Variants in COBL observed in about 807,000 individuals in gnomAD.
The protein encoded by COBL is protein cordon-bleu.
COBL carries 51 observed loss-of-function variants against 98.8 expected under a neutral mutation model. The observed-to-expected ratio is 0.52, with a 90% CI of 0.41 to 0.65. The LOEUF (loss-of-function observed/expected upper bound fraction) is 0.65. Among genes scored for constraint, COBL ranks in the 30% least tolerant of loss-of-function variants. The pLI is 0.00. For synonymous variants in COBL, 634 were observed against 651.7 expected, an observed-to-expected ratio of 0.97 and a Z score of 0.41; for missense variants, 1,617 against 1,617.5, an observed-to-expected ratio of 1.00 and a Z score of 0.01.
chr7:51,075,302 C>T (rs1301526180), intron 7 of COBL, among the ~76,000 whole-genome samples: 2 of 152,154 alleles, frequency 1.3e-5, no homozygotes, highest in Non-Finnish European at 2.9e-5. Context: ...TTTGCTAATT[C>T]CTATGCTATA....
intron 5 of COBL, among the ~76,000 whole-genome samples, chr7:51,140,868 G>T (rs1799675733): frequency 6.6e-6 from 1 of 152,184 alleles, no homozygotes; most frequent in Non-Finnish European, 1.5e-5. Flanking sequence ...CAGACAAGAA[G>T]CTGAGCATGT....
chr7:51,211,986 A>T (rs1454857887), intron 2 of COBL, among the ~76,000 whole-genome samples: 2 of 152,176 alleles, frequency 1.3e-5, no homozygotes, highest in African/African-American at 4.8e-5. Context: ...CCTTAAAATC[A>T]AGAGAGCAGG....
At chr7:51,044,842 G>A (rs778949284) in intron 7 of COBL, among the ~76,000 whole-genome samples, 3 of 152,052 alleles carry the variant, frequency 2.0e-5, no homozygotes, top group Admixed American at 6.6e-5. Flanking sequence ...TTATCACCAC[G>A]AAACCAAAAG....
chr7:51,264,519 A>T (rs910190282), intron 1 of COBL, among the ~76,000 whole-genome samples: 3 of 151,838 alleles, frequency 2.0e-5, no homozygotes, highest in African/African-American at 7.3e-5. Context: ...AAAAATACAA[A>T]AATTAGCCGG....
intron 1 of COBL, among the ~76,000 whole-genome samples, chr7:51,297,641 C>T (rs1386741948): frequency 2.0e-5 from 3 of 152,116 alleles, no homozygotes; most frequent in Admixed American, 1.3e-4. Context: ...GATCTGCCCG[C>T]CTCAGCCTCC....
At chr7:51,090,925 A>G (rs571322138) in intron 6 of COBL, among the ~76,000 whole-genome samples, 113 of 152,370 alleles carry the variant, frequency 7.4e-4, no homozygotes, top group Middle Eastern at 3.4e-3. Flanking sequence ...CGAGATTACA[A>G]GCTCATAAAG....
intron 6 of COBL, among the ~76,000 whole-genome samples, chr7:51,128,730 C>T (rs1798459226): frequency 2.7e-5 from 4 of 150,510 alleles, no homozygotes; most frequent in Admixed American, 1.3e-4. Flanking sequence ...CTCAAGGAGG[C>T]TCCATAAGAC....
chr7:51,229,183 G>C (rs1477807579), intron 1 of COBL, among the ~76,000 whole-genome samples: 1 of 152,220 alleles, frequency 6.6e-6, no homozygotes, highest in African/African-American at 2.4e-5. Context: ...GAGTGAAGCA[G>C]TGCCCTGAGA....
intron 4 of COBL, chr7:51,188,101 T>C: frequency 1.6e-6 from 1 of 625,974 alleles, no homozygotes; most frequent in African/African-American, 1.9e-5. Flanking sequence ...TCAGCTTGCC[T>C]CTCTGGGCTG....
chr7:51,167,186 T>A (rs901144411), intron 5 of COBL, among the ~76,000 whole-genome samples: 2 of 152,150 alleles, frequency 1.3e-5, no homozygotes, highest in Non-Finnish European at 2.9e-5. Flanking sequence ...GATGATAGGA[T>A]CTTACATTTG....
intron 12 of COBL, 133 bp downstream of exon 12, chr7:51,024,976 C>T (rs115712082): frequency 3.3e-5 from 40 of 1,200,942 alleles, no homozygotes; most frequent in African/African-American, 9.0e-5. Context: ...GACACAGTGA[C>T]GCCGGCTCTC....
intron 12 of COBL, among the ~76,000 whole-genome samples, chr7:51,022,404 G>A (rs1211602392): frequency 6.6e-6 from 1 of 152,204 alleles, no homozygotes; most frequent in African/African-American, 2.4e-5. Flanking sequence ...GCCCTGGCTA[G>A]CACTTTACAG....
Position 51,044,413 on chromosome 7 carries a change from A to G in COBL, c.1097-721T>C, listed in dbSNP as rs530173697. On this transcript the variant is annotated intron_variant, in intron 7 of 12. Transcript: ENST00000265136. ...GCTATTTGTAGATAGCAATACATTAAGTGTAAGTAATGGGAGGTCATTATT... is the reference window on the plus strand; with the variant it reads ...GCTATTTGTAGATAGCAATACATTAGGTGTAAGTAATGGGAGGTCATTATT... 1.4e-4 allele frequency among the ~76,000 whole-genome samples: 22 copies of G among 152,334 alleles called. No individual in the cohort carries two copies. In the East Asian group the frequency reaches 3.9e-3, roughly 27 times the overall value.
intron 6 of COBL, among the ~76,000 whole-genome samples, chr7:51,122,933 C>T (rs1797870962): frequency 6.6e-6 from 1 of 151,100 alleles, no homozygotes; most frequent in Non-Finnish European, 1.5e-5. Flanking sequence ...AGGCTGAGAT[C>T]GCACCACTGA....
intron 1 of COBL, among the ~76,000 whole-genome samples, chr7:51,267,405 C>G (rs986948189): frequency 5.3e-5 from 8 of 152,064 alleles, no homozygotes; most frequent in African/African-American, 1.9e-4. Context: ...CTCAAGAGAA[C>G]CTCCACAGCA....
intron 1 of COBL, among the ~76,000 whole-genome samples, chr7:51,264,607 G>A (rs1023402443): frequency 7.0e-6 from 1 of 142,624 alleles, no homozygotes; most frequent in African/African-American, 2.6e-5. Flanking sequence ...GGAGGTGGAG[G>A]TTGTAGTGAG....
chr7:51,301,939 T>C (rs1802007994), intron 1 of COBL, among the ~76,000 whole-genome samples: 1 of 152,158 alleles, frequency 6.6e-6, no homozygotes, highest in Admixed American at 6.5e-5. Context: ...GCTCAAAACC[T>C]GGTAGCTTTG....
intron 7 of COBL, among the ~76,000 whole-genome samples, chr7:51,056,812 A>ACACAC (rs1554362402): frequency 1.4e-5 from 2 of 143,572 alleles, no homozygotes; most frequent in African/African-American, 2.6e-5. Context: ...GTGCTCTCCC[A>ACACAC]ACACACACAC....
In COBL at chr7:51,267,737, CTAAGT is replaced by C. The variant is rs1296318464; in HGVS notation, c.42-47798_42-47794del. Among the ~76,000 whole-genome samples, 4 of 151,970 alleles carry C rather than the reference CTAAGT, an allele frequency of 2.6e-5. No homozygotes were observed. In the East Asian group the frequency reaches 7.7e-4, roughly 29 times the overall value. The stretch of plus-strand genomic sequence containing the variant: ...TACAGGCACCTGCCACCATGCCCAG[CTAAGT>C]TTTGTATTTTTAGTAGAGGCGGGGT... On this transcript the variant is annotated intron_variant, in intron 1 of 12. Coordinates refer to ENST00000265136, the MANE Select transcript of COBL (RefSeq NM_015198.5).
Sources: gnomAD v4.1 joint callset for allele counts (sites outside exome capture counted in the v4.1 genomes callset) on GRCh38, gnomAD v4.1.1 for gene constraint, MANE v1.5 for transcripts, NCBI Gene and HGNC (gene_info 2026-07-23, HGNC 2026-07-21) for gene names.